TRPC4: variants seen among roughly 807,000 people sequenced by gnomAD.
TRPC4 encodes the protein transient receptor potential cation channel subfamily C member 4.
Under a neutral mutation model 99.4 loss-of-function variants are expected in TRPC4, and 49 were observed. The ratio of observed to expected loss-of-function variants is 0.49; its 90% CI spans 0.39 to 0.63. The LOEUF (loss-of-function observed/expected upper bound fraction) is 0.63, where lower values mean the gene tolerates loss of function less well. TRPC4 is among the 20% of genes least tolerant of loss of function. The pLI is 0.00. For synonymous variants in TRPC4, 454 were observed against 425.9 expected (o/e 1.07, Z -0.81); for missense variants, 898 against 1,152.9 (o/e 0.78, Z 3.20).
chr13:37,719,105 C>G (rs1406980313), intron 3 of TRPC4, among the ~76,000 whole-genome samples: 1 of 151,916 alleles, frequency 6.6e-6, no homozygotes, highest in Non-Finnish European at 1.5e-5. Context: ...AATATAGAGC[C>G]CAGAAGGGAA....
chr13:37,719,969 G>A (rs1298659057), intron 3 of TRPC4, among the ~76,000 whole-genome samples: 2 of 151,976 alleles, frequency 1.3e-5, no homozygotes, highest in Middle Eastern at 3.4e-3. Flanking sequence ...AAGTGGGCTC[G>A]GTGTAGTCAG....
chr13:37,708,568 G>A (rs762311482), intron 3 of TRPC4, among the ~76,000 whole-genome samples: 6 of 151,502 alleles, frequency 4.0e-5, no homozygotes, highest in African/African-American at 7.3e-5. Flanking sequence ...TTCCCTGATC[G>A]CAAAGGAATT....
intron 3 of TRPC4, among the ~76,000 whole-genome samples, chr13:37,730,729 T>C (rs1184069344): frequency 6.6e-6 from 1 of 152,018 alleles, no homozygotes; most frequent in Non-Finnish European, 1.5e-5. Flanking sequence ...GCATTAAATA[T>C]GCATTGTATT....
chr13:37,818,050 C>G (rs1259624868), intron 1 of TRPC4, among the ~76,000 whole-genome samples: 5 of 151,916 alleles, frequency 3.3e-5, no homozygotes, highest in African/African-American at 1.2e-4. Context: ...CCTAATTAAA[C>G]TAAAGCGCTT....
At position 37,785,709 on chromosome 13, in the gene TRPC4, T is replaced by C. The variant is rs1464199994; in HGVS notation, c.-27-2349A>G. On this transcript the variant is annotated intron_variant, in intron 1 of 10. Transcript: ENST00000379705. ...AACTAATTTATTTTATTTTTTCATT[T>C]AGTTAATTTTATTAATAATACTATC... Among the ~76,000 whole-genome samples, 3 of 152,068 alleles carry C rather than the reference T, an allele frequency of 2.0e-5. No homozygotes were observed. The East Asian group carries it at 5.8e-4, about 29-fold the overall frequency.
chr13:37,663,403 C>T lies in TRPC4; in HGVS notation c.1688+13G>A. On this transcript the variant is annotated intron_variant, in intron 6 of 10. Coordinates refer to ENST00000379705, the MANE Select transcript of TRPC4 (RefSeq NM_016179.4). ...TGTACAACATTACCAGTAGAAATGT[C>T]TATTAGACTTACGTTGAAAATGCAT... 6.2e-7 allele frequency: 1 copy of T among 1,604,040 alleles called. No individual in the cohort carries two copies. The highest frequency in any genetic ancestry group is 8.5e-7 in the Non-Finnish European group (1 of 1,174,836).
intron 3 of TRPC4, among the ~76,000 whole-genome samples, chr13:37,719,355 GA>G (rs573332824): frequency 6.6e-6 from 1 of 151,218 alleles, no homozygotes; most frequent in African/African-American, 2.4e-5. Flanking sequence ...CTTATAAAAA[GA>G]AAAAAATGAA....
chr13:37,844,354 G>A (rs1958827234), intron 1 of TRPC4, among the ~76,000 whole-genome samples: 1 of 151,986 alleles, frequency 6.6e-6, no homozygotes, highest in East Asian at 1.9e-4. Flanking sequence ...GAGTGCAATG[G>A]CACAATCTCG....
At chr13:37,842,206 G>T (rs1010144139) in intron 1 of TRPC4, among the ~76,000 whole-genome samples, 1 of 149,496 alleles carries the variant, frequency 6.7e-6, no homozygotes, top group Non-Finnish European at 1.5e-5. Context: ...GGAGGCAGAG[G>T]TTGCAGTTAG....
rs1179818279 is a variant in TRPC4, at chr13:37,636,555, A to G, written c.*348T>C. 6.0e-6 allele frequency: 1 copy of G among 166,280 alleles called. No individual in the cohort carries two copies. Among genetic ancestry groups the G allele is most frequent in the Admixed American group, 6.3e-5 (1 of 15,912 alleles). The allele number at this position is 166,280 out of a possible 1,614,324, so 10.3% of individuals were successfully genotyped here. A position where few individuals can be genotyped will look rare whatever the true frequency, so the allele number is the denominator to read the frequency against. On this transcript the variant is annotated 3_prime_UTR_variant, in exon 11 of 11. Transcript: ENST00000379705. ...CACATTGGTTTTTGAATATAAAAAT[A>G]TCTATTTTAGGAGTCAACTACCACA...
chr13:37,814,603 A>G lies in TRPC4; in HGVS notation c.-27-31243T>C, dbSNP rs74047192. On this transcript the variant is annotated intron_variant, in intron 1 of 10. Transcript: ENST00000379705. ...ATATTTAGGTATATGTTTAAGTGAA[A>G]GACTTGTAGTCTTGCATTCTTTCAC... Among the ~76,000 whole-genome samples, 1,351 of 151,954 alleles carry G rather than the reference A, an allele frequency of 8.9e-3. 34 individuals are homozygous for G. In the East Asian group the frequency reaches 0.1, roughly 11 times the overall value.
chr13:37,844,285 CT>C (rs1272055306), intron 1 of TRPC4, among the ~76,000 whole-genome samples: 52 of 147,242 alleles, frequency 3.5e-4, no homozygotes, highest in African/African-American at 5.7e-4. Context: ...ACAGGTCTTT[CT>C]TTTTTTTTTT....
intron 7 of TRPC4, among the ~76,000 whole-genome samples, chr13:37,654,795 G>A (rs1215692899): frequency 1.3e-5 from 2 of 152,132 alleles, no homozygotes; most frequent in African/African-American, 4.8e-5. Flanking sequence ...GCAGAGATGA[G>A]CTGCTTGTTT....
chr13:37,762,870 T>A (rs1956262418), intron 2 of TRPC4, among the ~76,000 whole-genome samples: 1 of 150,846 alleles, frequency 6.6e-6, no homozygotes, highest in African/African-American at 2.4e-5. Context: ...AGTATAATAA[T>A]AATAAAATAA....
intron 1 of TRPC4, among the ~76,000 whole-genome samples, chr13:37,806,574 C>T (rs1206038862): frequency 1.3e-5 from 2 of 152,014 alleles, no homozygotes; most frequent in Non-Finnish European, 2.9e-5. Flanking sequence ...GCATGTAGAA[C>T]TCAAATAATC....
In TRPC4 at chr13:37,869,606, C is replaced by T. The variant is rs543872059; in HGVS notation, c.-39G>A. On this transcript the variant is annotated 5_prime_UTR_variant, in exon 1 of 11. Transcript: ENST00000379705. ...GACATCCTCTTTACCTGCAAAGTTGCAATCTTCGGGCTGAAGTGATGGGAT... is the reference window on the plus strand; with the variant it reads ...GACATCCTCTTTACCTGCAAAGTTGTAATCTTCGGGCTGAAGTGATGGGAT... 1.3e-5 allele frequency: 2 copies of T among 152,374 alleles called. No individual in the cohort carries two copies. Among genetic ancestry groups the T allele is most frequent in the African/African-American group, 4.8e-5 (2 of 41,558 alleles). The allele number at this position is 152,374 out of a possible 1,614,324, so 9.4% of individuals were successfully genotyped here.
At chr13:37,678,909 G>A (rs974096391) in intron 4 of TRPC4, among the ~76,000 whole-genome samples, 1 of 152,040 alleles carries the variant, frequency 6.6e-6, no homozygotes, top group Non-Finnish European at 1.5e-5. Context: ...TCCAGGTAAT[G>A]AAAGGTTGTT....
intron 1 of TRPC4, among the ~76,000 whole-genome samples, chr13:37,855,495 GA>G (rs1178607603): frequency 6.6e-6 from 1 of 151,624 alleles, no homozygotes; most frequent in Non-Finnish European, 1.5e-5. Context: ...TATCAACAAA[GA>G]AACATCAGAC....
At chr13:37,730,272 T>A (rs942257608) in intron 3 of TRPC4, among the ~76,000 whole-genome samples, 1 of 152,176 alleles carries the variant, frequency 6.6e-6, no homozygotes, top group East Asian at 1.9e-4. Context: ...TATGCTTTAT[T>A]ACTTACATAT....
Sources: allele counts gnomAD v4.1 joint callset (sites outside exome capture counted in the v4.1 genomes callset), GRCh38; gene constraint gnomAD v4.1.1; transcripts MANE v1.5; gene names NCBI Gene and HGNC (gene_info 2026-07-23, HGNC 2026-07-21).